CDH10: variants seen among roughly 807,000 people sequenced by gnomAD.
The protein encoded by CDH10 is cadherin 10, also known as cadherin-10.
A neutral mutation model predicts 73.1 loss-of-function variants in CDH10; 30 were observed. That is an observed-to-expected ratio of 0.41 (90% CI 0.31 to 0.56). The LOEUF is 0.56. CDH10 is among the 20% of genes least tolerant of loss of function. The pLI is 0.27. For missense variants in CDH10, 815 were observed against 973.7 expected, an observed-to-expected ratio of 0.84 and a Z score of 2.17; for synonymous variants, 345 against 348.2, an observed-to-expected ratio of 0.99 and a Z score of 0.10.
intron 1 of CDH10, among the ~76,000 whole-genome samples, chr5:24,619,653 ATATT>A (rs1288216312): frequency 2.0e-5 from 3 of 152,222 alleles, no homozygotes; most frequent in Non-Finnish European, 4.4e-5. Context: ...ATATTTATAA[ATATT>A]AATTGTCTGA....
At chr5:24,508,206 CTAATGGAT>C (rs1454010250) in intron 7 of CDH10, among the ~76,000 whole-genome samples, 1 of 152,110 alleles carries the variant, frequency 6.6e-6, no homozygotes, top group African/African-American at 2.4e-5. Flanking sequence ...ACAAAATGGA[CTAATGGAT>C]TATAGTAAGT....
chr5:24,566,207 C>T (rs538284113), intron 2 of CDH10, among the ~76,000 whole-genome samples: 2 of 152,038 alleles, frequency 1.3e-5, no homozygotes, highest in Admixed American at 1.3e-4. Context: ...CACCACCACA[C>T]CTGGCTAATT....
intron 2 of CDH10, among the ~76,000 whole-genome samples, chr5:24,571,613 A>C (rs1745382832): frequency 6.6e-6 from 1 of 152,150 alleles, no homozygotes; most frequent in South Asian, 2.1e-4. Context: ...AAAGTGGAGG[A>C]GATTTACTAA....
At chr5:24,563,440 T>A (rs1275343161) in intron 2 of CDH10, among the ~76,000 whole-genome samples, 1 of 80,950 alleles carries the variant, frequency 1.2e-5, no homozygotes, top group Non-Finnish European at 2.4e-5. Flanking sequence ...AATACATCTT[T>A]TATAGAAGCT....
intron 5 of CDH10, among the ~76,000 whole-genome samples, chr5:24,516,643 T>C (rs1342185074): frequency 2.6e-5 from 4 of 152,026 alleles, no homozygotes; most frequent in African/African-American, 9.7e-5. Flanking sequence ...ATAATATGGT[T>C]ATTTATTGTT....
At chr5:24,610,212 T>G (rs1309495129) in intron 1 of CDH10, among the ~76,000 whole-genome samples, 1 of 152,232 alleles carries the variant, frequency 6.6e-6, no homozygotes, top group Non-Finnish European at 1.5e-5. Context: ...TCACAAATGC[T>G]AAATTAATTT....
At chr5:24,589,933 A>C (rs1468652727) in intron 2 of CDH10, among the ~76,000 whole-genome samples, 1 of 152,108 alleles carries the variant, frequency 6.6e-6, no homozygotes, top group African/African-American at 2.4e-5. Flanking sequence ...CTTGAAGTTC[A>C]ACATGTGAAG....
At chr5:24,643,904 C>T (rs1271673097) in intron 1 of CDH10, among the ~76,000 whole-genome samples, 2 of 152,116 alleles carry the variant, frequency 1.3e-5, no homozygotes, top group African/African-American at 2.4e-5. Context: ...TTTATTGCAG[C>T]AGAAACAATA....
At chr5:24,591,115 T>C (rs1441860617) in intron 2 of CDH10, among the ~76,000 whole-genome samples, 2 of 152,106 alleles carry the variant, frequency 1.3e-5, no homozygotes, top group Non-Finnish European at 2.9e-5. Flanking sequence ...AAATATCATA[T>C]GTTAAACATT....
chr5:24,494,939 C>G (rs1742214163), intron 9 of CDH10, among the ~76,000 whole-genome samples: 1 of 152,054 alleles, frequency 6.6e-6, no homozygotes, highest in African/African-American at 2.4e-5. Context: ...CACTTACATC[C>G]TTTACAAGAT....
chr5:24,538,267 T>C (rs1744029260), intron 2 of CDH10, among the ~76,000 whole-genome samples: 1 of 152,078 alleles, frequency 6.6e-6, no homozygotes, highest in South Asian at 2.1e-4. Flanking sequence ...GATATCTACA[T>C]AACACATGTC....
At chr5:24,622,259 T>TGATG (rs1747343220) in intron 1 of CDH10, among the ~76,000 whole-genome samples, 1 of 258 alleles carries the variant, frequency 3.9e-3, no homozygotes, top group Non-Finnish European at 7.7e-3. Flanking sequence ...GATGTGCGAA[T>TGATG]GTTGACAAAA....
chr5:24,534,905 T>G (rs567989686), intron 5 of CDH10, among the ~76,000 whole-genome samples: 1 of 152,254 alleles, frequency 6.6e-6, no homozygotes, highest in South Asian at 2.1e-4. Flanking sequence ...TGTCTCTGAG[T>G]GAAATATGCT....
At position 24,619,228 on chromosome 5, in the gene CDH10, C is replaced by T. The variant is rs370517403; in HGVS notation, c.-124+25366G>A. The stretch of plus-strand genomic sequence containing the variant: ...TTTTCTTTTGAGACGTAGTCTCACT[C>T]TGCCACCCAGGCTGGAGTGCAGTGG... On this transcript the variant is annotated intron_variant, in intron 1 of 11. Coordinates refer to ENST00000264463, the MANE Select transcript of CDH10 (RefSeq NM_006727.5). 7.2e-5 allele frequency among the ~76,000 whole-genome samples: 11 copies of T among 152,046 alleles called. No individual in the cohort carries two copies. The East Asian group carries it at 9.7e-4, about 13-fold the overall frequency.
At chr5:24,584,637 A>AT (rs1236204645) in intron 2 of CDH10, among the ~76,000 whole-genome samples, 1 of 150,888 alleles carries the variant, frequency 6.6e-6, no homozygotes, top group Non-Finnish European at 1.5e-5. Context: ...CGTCTGGCTA[A>AT]TTTTTTGTAT....
At chr5:24,548,069 A>C (rs1182276812) in intron 2 of CDH10, among the ~76,000 whole-genome samples, 1 of 152,194 alleles carries the variant, frequency 6.6e-6, no homozygotes, top group African/African-American at 2.4e-5. Context: ...TTGATATTCC[A>C]GTCTTGAATC....
chr5:24,552,265 A>T (rs1276150322), intron 2 of CDH10, among the ~76,000 whole-genome samples: 1 of 152,042 alleles, frequency 6.6e-6, no homozygotes, highest in East Asian at 1.9e-4. Context: ...ATTATGAGTG[A>T]GATTTCTTAA....
chr5:24,593,400 C>G lies in CDH10; in HGVS notation c.91G>C (p.Val31Leu), dbSNP rs1746266343. ...GAACTTAAAATTCTTTGCTGTGGCACAGGCGTCCTTCTGAACATTATTTCT... is the reference window on the plus strand; with the variant it reads ...GAACTTAAAATTCTTTGCTGTGGCAGAGGCGTCCTTCTGAACATTATTTCT... Reference protein sequence around the residue: ...SPEIMFRRTPVPQQRILSSRV... With the variant: ...SPEIMFRRTPLPQQRILSSRV... Residue 31 changes from valine to leucine, a missense_variant, in exon 2 of 12, where the codon GTG (valine) becomes CTG (leucine). Around this residue, in one of 3 missense-constraint regions of CDH10, gnomAD observed 58 missense variants for 96.7 expected, o/e 0.60. Coordinates refer to ENST00000264463, the MANE Select transcript of CDH10 (RefSeq NM_006727.5). The G allele has an allele frequency of 6.2e-7, 1 of 1,612,428 alleles. No individual in the cohort carries two copies. Among genetic ancestry groups the G allele is most frequent in the Non-Finnish European group, 8.5e-7 (1 of 1,178,628 alleles).
At position 24,488,121 on chromosome 5, in the gene CDH10, G is replaced by A. The variant is rs1399171774; in HGVS notation, c.1909C>T (p.Gln637Ter). The change falls in exon 12 of 12, where the codon CAG becomes TAG. Residue 637 changes from glutamine to a stop codon, truncating the protein, a stop_gained. Coordinates refer to ENST00000264463, the MANE Select transcript of CDH10 (RefSeq NM_006727.5). LOFTEE classifies it high-confidence loss of function. ...AAGATCAGAGGCTCTTTTTTTCGCT[G>A]TCTTTTCAGAGCTGCAAACAGTACT... ...IVVLFAALKRQRKKEPLILSK... is the reference protein window; with the variant it reads ...IVVLFAALKR The A allele has an allele frequency of 6.2e-7, 1 of 1,611,894 alleles. No homozygotes were observed. The highest frequency in any genetic ancestry group is 8.5e-7 in the Non-Finnish European group (1 of 1,179,052).
Sources: gnomAD v4.1 joint callset for allele counts (sites outside exome capture counted in the v4.1 genomes callset) on GRCh38, gnomAD v4.1.1 for gene constraint, gnomAD v4.1.1 regional missense constraint, MANE v1.5 for transcripts, NCBI Gene and HGNC (gene_info 2026-07-23, HGNC 2026-07-21) for gene names.